The following RAB7A variants were observed in gnomAD, a reference collection of about 807,000 sequenced individuals.
RAB7A encodes the protein ras-related protein Rab-7a.
A neutral mutation model predicts 24.5 loss-of-function variants in RAB7A; 2 were observed. The observed-to-expected ratio is 0.08, with a 90% CI of 0.03 to 0.26. The LOEUF (loss-of-function observed/expected upper bound fraction) is 0.26, where lower values mean the gene tolerates loss of function less well. Among genes scored for constraint, RAB7A ranks in the 10% least tolerant of loss-of-function variants. The pLI, the probability that RAB7A is intolerant of heterozygous loss-of-function variation, is 1.00. For missense variants in RAB7A, 118 were observed against 255.7 expected, an observed-to-expected ratio of 0.46 and a Z score of 3.67; for synonymous variants, 100 against 95.9, an observed-to-expected ratio of 1.04 and a Z score of -0.25.
intron 1 of RAB7A, among the ~76,000 whole-genome samples, chr3:128,734,007 C>T (rs1377421509): frequency 6.6e-6 from 1 of 152,306 alleles, no homozygotes; most frequent in African/African-American, 2.4e-5. Context: ...TTCTTTATGG[C>T]ACCATGGTAC....
In RAB7A at chr3:128,806,356, G is replaced by A; in HGVS notation, c.181-16G>A. On this transcript the variant is annotated splice_polypyrimidine_tract_variant and intron_variant, in intron 3 of 5. Coordinates refer to ENST00000265062, the MANE Select transcript of RAB7A (RefSeq NM_004637.6). ...CCTAGCATTCTCCCAAGGAATGAAT[G>A]TTTTGTCTCTCACAGATATGGGACA... The A allele has an allele frequency of 6.3e-7, 1 of 1,597,476 alleles. No homozygotes were observed. The highest frequency in any genetic ancestry group is 8.6e-7 in the Non-Finnish European group (1 of 1,166,344).
intron 1 of RAB7A, among the ~76,000 whole-genome samples, chr3:128,778,703 C>T (rs890611420): frequency 2.0e-5 from 3 of 152,162 alleles, no homozygotes; most frequent in African/African-American, 7.2e-5. Flanking sequence ...ATGGATAGTA[C>T]TTGTACAAAG....
intron 5 of RAB7A, among the ~76,000 whole-genome samples, chr3:128,812,633 T>C (rs764269124): frequency 5.9e-5 from 9 of 152,246 alleles, no homozygotes; most frequent in Non-Finnish European, 1.0e-4. Flanking sequence ...ATTGGAAGCA[T>C]GTTACTTTAG....
chr3:128,729,486 C>T (rs1262394307), intron 1 of RAB7A, among the ~76,000 whole-genome samples: 3 of 150,362 alleles, frequency 2.0e-5, no homozygotes, highest in African/African-American at 7.4e-5. Context: ...AGGAGAATGG[C>T]GTGAACCCAG....
chr3:128,809,617 T>G (rs1329733578), intron 5 of RAB7A, among the ~76,000 whole-genome samples: 4 of 152,230 alleles, frequency 2.6e-5, no homozygotes, highest in Non-Finnish European at 5.9e-5. Context: ...TATTTGGTTA[T>G]GTCATTTTAA....
chr3:128,767,967 C>A (rs909688649), intron 1 of RAB7A, among the ~76,000 whole-genome samples: 1 of 152,086 alleles, frequency 6.6e-6, no homozygotes, highest in Admixed American at 6.5e-5. Context: ...TCTATGAATA[C>A]ATACCATTCA....
chr3:128,756,324 T>G (rs1165274985), intron 1 of RAB7A, among the ~76,000 whole-genome samples: 1 of 151,196 alleles, frequency 6.6e-6, no homozygotes, highest in Non-Finnish European at 1.5e-5. Flanking sequence ...ATTGTGCCAC[T>G]GCACTCCAGC....
Position 128,813,316 on chromosome 3 carries a change from T to G in RAB7A, c.529-11T>G, listed in dbSNP as rs1363669325. 3 of 1,612,672 alleles carry G rather than the reference T, an allele frequency of 1.9e-6. No homozygotes were observed. The highest frequency in any genetic ancestry group is 1.7e-4 in the Middle Eastern group (1 of 6,058). On this transcript the variant is annotated splice_polypyrimidine_tract_variant and intron_variant, in intron 5 of 5. Transcript: ENST00000265062. ...CCTGAGTAACCAACCTTTCTCTGTT[T>G]CCTTGTCCAGGAAACGGAGGTGGAG...
intron 1 of RAB7A, among the ~76,000 whole-genome samples, chr3:128,729,549 G>A (rs1459848533): frequency 1.4e-5 from 2 of 144,068 alleles, no homozygotes; most frequent in Admixed American, 7.1e-5. Context: ...CAGCCTGGGC[G>A]ACAGAGCGAG....
chr3:128,752,009 A>G (rs1451063233), intron 1 of RAB7A, among the ~76,000 whole-genome samples: 2 of 152,210 alleles, frequency 1.3e-5, no homozygotes, highest in East Asian at 1.9e-4. Context: ...GCCCTCTGCC[A>G]TGATTGTGAG....
intron 1 of RAB7A, among the ~76,000 whole-genome samples, chr3:128,787,433 A>C (rs1933362981): frequency 6.6e-6 from 1 of 152,196 alleles, no homozygotes; most frequent in Non-Finnish European, 1.5e-5. Flanking sequence ...ACTTGTTAAA[A>C]GTCCCAGCCC....
chr3:128,747,396 G>A (rs1242733219), intron 1 of RAB7A, among the ~76,000 whole-genome samples: 1 of 151,644 alleles, frequency 6.6e-6, no homozygotes, highest in Non-Finnish European at 1.5e-5. Flanking sequence ...AGACCAGCCT[G>A]ACCAACATGG....
intron 1 of RAB7A, among the ~76,000 whole-genome samples, chr3:128,760,558 A>AGTACCCC (rs2070769103): frequency 6.6e-6 from 1 of 152,186 alleles, no homozygotes; most frequent in African/African-American, 2.4e-5. Flanking sequence ...CTGGTTTGTG[A>AGTACCCC]GTACCCCTTA....
intron 1 of RAB7A, among the ~76,000 whole-genome samples, chr3:128,729,569 C>CAA (rs71153142): frequency 0.053 from 5,187 of 97,034 alleles, 165 homozygotes; most frequent in African/African-American, 0.1. Flanking sequence ...GACTTCTTCT[C>CAA]AAAAAAAAAA....
chr3:128,772,746 C>T (rs909477183), intron 1 of RAB7A, among the ~76,000 whole-genome samples: 2 of 152,250 alleles, frequency 1.3e-5, no homozygotes, highest in African/African-American at 2.4e-5. Flanking sequence ...CGGGCCGCCA[C>T]GCCTAACTGG....
intron 1 of RAB7A, among the ~76,000 whole-genome samples, chr3:128,746,789 G>T (rs1192276748): frequency 6.6e-6 from 1 of 150,624 alleles, no homozygotes; most frequent in Admixed American, 6.6e-5. Context: ...TTGGCCTCCC[G>T]AAGTGCTGGG....
At chr3:128,729,933 G>A (rs764359192) in intron 1 of RAB7A, among the ~76,000 whole-genome samples, 4 of 152,106 alleles carry the variant, frequency 2.6e-5, no homozygotes, top group Non-Finnish European at 5.9e-5. Flanking sequence ...ACTGAAACTC[G>A]AGAAATGAAC....
intron 1 of RAB7A, among the ~76,000 whole-genome samples, chr3:128,742,008 G>C (rs189603294): frequency 6.6e-6 from 1 of 152,066 alleles, no homozygotes; most frequent in African/African-American, 2.4e-5. Flanking sequence ...GAATGAAGCC[G>C]CAGACCCTAG....
intron 1 of RAB7A, among the ~76,000 whole-genome samples, chr3:128,772,242 C>A (rs548806690): frequency 6.6e-6 from 1 of 152,204 alleles, no homozygotes; most frequent in Non-Finnish European, 1.5e-5. Flanking sequence ...CTCAGTTCTA[C>A]ACAACTTAGA....
Sources: allele counts gnomAD v4.1 joint callset (sites outside exome capture counted in the v4.1 genomes callset), GRCh38; gene constraint gnomAD v4.1.1; transcripts MANE v1.5; gene names NCBI Gene and HGNC (gene_info 2026-07-23, HGNC 2026-07-21).